Variants in SHISA9 observed in about 807,000 individuals in gnomAD.
SHISA9 encodes shisa family member 9.
In SHISA9, 13 loss-of-function variants were observed where a neutral mutation model predicts 38.0. That is an observed-to-expected ratio of 0.34 (90% CI 0.22 to 0.54). The LOEUF (loss-of-function observed/expected upper bound fraction) is 0.54. SHISA9 is among the 20% of genes least tolerant of loss of function. The pLI is 0.91. For missense variants in SHISA9, 538 were observed against 575.8 expected (o/e 0.93, Z 0.67); for synonymous variants, 275 against 242.0 (o/e 1.14, Z -1.27).
chr16:13,347,984 C>G, the SHISA9 span, among the ~76,000 whole-genome samples: 110,178 of 152,098 alleles, frequency 0.72, 41,245 homozygotes, highest in East Asian at 0.96. Context: ...GGATAAGCCA[C>G]CTGGGCCTAA....
chr16:13,269,238 G>A, the SHISA9 span, among the ~76,000 whole-genome samples: 1 of 152,186 alleles, frequency 6.6e-6, no homozygotes, highest in Non-Finnish European at 1.5e-5. Context: ...TATATAGCAT[G>A]GTTTTGAAGG....
At chr16:13,069,234 T>C (rs1428736466) in intron 2 of SHISA9, among the ~76,000 whole-genome samples, 4 of 152,154 alleles carry the variant, frequency 2.6e-5, no homozygotes, top group South Asian at 2.1e-4. Flanking sequence ...TATGCATGTA[T>C]ATATGTGTAT....
At chr16:13,066,997 G>T (rs1481635591) in intron 2 of SHISA9, among the ~76,000 whole-genome samples, 2 of 151,906 alleles carry the variant, frequency 1.3e-5, no homozygotes, top group Non-Finnish European at 2.9e-5. Context: ...GTATCATCAA[G>T]ATCCCCTAGA....
At chr16:13,462,270 A>C in the SHISA9 span, among the ~76,000 whole-genome samples, 1 of 152,118 alleles carries the variant, frequency 6.6e-6, no homozygotes, top group Non-Finnish European at 1.5e-5. Context: ...TTAAAAATAA[A>C]TAAATAGAGT....
intron 3 of SHISA9, among the ~76,000 whole-genome samples, chr16:13,210,740 C>T (rs375009388): frequency 2.0e-5 from 3 of 152,180 alleles, no homozygotes; most frequent in South Asian, 4.1e-4. Context: ...CAGTACCCCC[C>T]GTTTTGCAGA....
chr16:13,204,144 A>G (rs914674192), intron 3 of SHISA9, among the ~76,000 whole-genome samples: 1 of 84,892 alleles, frequency 1.2e-5, no homozygotes, highest in Admixed American at 1.1e-4. Context: ...TTATCTATCT[A>G]TCTATCTATC....
At chr16:13,330,986 T>C in the SHISA9 span, among the ~76,000 whole-genome samples, 1 of 152,222 alleles carries the variant, frequency 6.6e-6, no homozygotes, top group Admixed American at 6.5e-5. Flanking sequence ...GCGCCCAGCC[T>C]ATCTCAGAGC....
chr16:13,272,652 C>T, the SHISA9 span, among the ~76,000 whole-genome samples: 589 of 152,234 alleles, frequency 3.9e-3, 4 homozygotes, highest in African/African-American at 0.013. Context: ...AATATCATCA[C>T]ATTTATACAC....
intron 2 of SHISA9, among the ~76,000 whole-genome samples, chr16:12,969,048 T>G (rs1267134093): frequency 6.6e-6 from 1 of 151,796 alleles, no homozygotes. Flanking sequence ...TCCCAGCTAC[T>G]TGGAAGGCTG....
the SHISA9 span, among the ~76,000 whole-genome samples, chr16:13,303,877 A>G: frequency 4.0e-4 from 61 of 152,250 alleles, no homozygotes; most frequent in African/African-American, 1.3e-3. Context: ...CCCTCAATAA[A>G]TGCATTTCCC....
chr16:13,330,209 C>T, the SHISA9 span, among the ~76,000 whole-genome samples: 4 of 152,202 alleles, frequency 2.6e-5, no homozygotes, highest in South Asian at 2.1e-4. Context: ...CCATTTCACC[C>T]GACTATGTGC....
At chr16:13,515,155 C>T in the SHISA9 span, among the ~76,000 whole-genome samples, 1 of 152,060 alleles carries the variant, frequency 6.6e-6, no homozygotes, top group East Asian at 1.9e-4. Flanking sequence ...GTCTGCACCC[C>T]CTGCTCAATG....
the SHISA9 span, among the ~76,000 whole-genome samples, chr16:13,405,809 C>CT: frequency 6.6e-6 from 1 of 151,880 alleles, no homozygotes; most frequent in Non-Finnish European, 1.5e-5. Context: ...TGATTTTATT[C>CT]TTTTTTATGG....
At chr16:13,556,099 C>T in the SHISA9 span, among the ~76,000 whole-genome samples, 1 of 152,198 alleles carries the variant, frequency 6.6e-6, no homozygotes, top group Non-Finnish European at 1.5e-5. Context: ...TCCGATTCCA[C>T]CCTTTCAAAT....
intron 2 of SHISA9, among the ~76,000 whole-genome samples, chr16:13,097,408 A>G (rs1365064649): frequency 1.3e-5 from 2 of 150,016 alleles, no homozygotes; most frequent in Admixed American, 6.7e-5. Context: ...TCATAGTGGC[A>G]TTGTCTGATC....
the SHISA9 span, among the ~76,000 whole-genome samples, chr16:13,368,313 G>A: frequency 6.6e-6 from 1 of 152,130 alleles, no homozygotes; most frequent in South Asian, 2.1e-4. Context: ...GGTAGCACAG[G>A]TAGTCTCTTA....
chr16:13,445,029 T>TATATA, the SHISA9 span, among the ~76,000 whole-genome samples: 1 of 121,834 alleles, frequency 8.2e-6, no homozygotes, highest in South Asian at 2.7e-4. Context: ...TATATATATA[T>TATATA]GTTGTATTTT....
At chr16:13,497,576 T>G in the SHISA9 span, among the ~76,000 whole-genome samples, 8 of 150,754 alleles carry the variant, frequency 5.3e-5, no homozygotes, top group African/African-American at 2.0e-4. Context: ...TCCCAGCTAC[T>G]CAGGAAACTG....
chr16:13,475,337 T>C, the SHISA9 span, among the ~76,000 whole-genome samples: 1 of 151,528 alleles, frequency 6.6e-6, no homozygotes, highest in African/African-American at 2.4e-5. Flanking sequence ...ATATATCACA[T>C]ATATATGTTT....
Sources: gnomAD v4.1 joint callset for allele counts (sites outside exome capture counted in the v4.1 genomes callset) on GRCh38, gnomAD v4.1.1 for gene constraint, MANE v1.5 for transcripts, NCBI Gene and HGNC (gene_info 2026-07-23, HGNC 2026-07-21) for gene names.